MECOM: variants seen among roughly 807,000 people sequenced by gnomAD.
The protein encoded by MECOM is histone-lysine N-methyltransferase MECOM.
Under a neutral mutation model 116.3 loss-of-function variants are expected in MECOM, and 13 were observed. That is an observed-to-expected ratio of 0.11 (90% CI 0.07 to 0.18). The LOEUF is 0.18. Among genes scored for constraint, MECOM ranks in the 10% least tolerant of loss-of-function variants. The probability of loss-of-function intolerance (pLI) is 1.00; values close to 1 mark genes in which losing one functional copy is unlikely to be tolerated. For missense variants in MECOM, 1,299 were observed against 1,509.0 expected (o/e 0.86, Z 2.31); for synonymous variants, 528 against 535.2 (o/e 0.99, Z 0.19).
Position 169,089,015 on chromosome 3 carries a change from T to G in MECOM, c.3570A>C (p.Arg1190Ser), listed in dbSNP as rs146055772. The G allele has an allele frequency of 1.3e-6, 2 of 1,596,596 alleles. No homozygotes were observed. The highest frequency in any genetic ancestry group is 1.7e-6 in the Non-Finnish European group (2 of 1,173,386). ...VPEELKQPLH[R>S]KSKSQAYAMM... The stretch of plus-strand genomic sequence containing the variant: ...AAATCTGTACCTGCGATTTGGACTT[T>G]CTGTGTAACGGCTGCTTAAGTTCCT... Residue 1190 changes from arginine to serine, a missense_variant, in exon 16 of 17, where the codon AGA (arginine) becomes AGC (serine). Coordinates refer to ENST00000651503, the MANE Select transcript of MECOM (RefSeq NM_004991.4).
At chr3:169,170,430 C>CAAAAAAAAAAAAAAAAAAAAA (rs1744249703) in intron 2 of MECOM, among the ~76,000 whole-genome samples, 2 of 132,650 alleles carry the variant, frequency 1.5e-5, no homozygotes, top group Non-Finnish European at 3.2e-5. Flanking sequence ...AAAAAAAAAT[C>CAAAAAAAAAAAAAAAAAAAAA]AAAGCTAAGC....
At chr3:169,257,813 C>T (rs993310616) in intron 2 of MECOM, among the ~76,000 whole-genome samples, 3 of 152,164 alleles carry the variant, frequency 2.0e-5, no homozygotes, top group Non-Finnish European at 4.4e-5. Context: ...TGGATAAATG[C>T]TTCCACTTCG....
intron 1 of MECOM, among the ~76,000 whole-genome samples, chr3:169,533,782 G>A (rs967273990): frequency 1.1e-4 from 17 of 152,030 alleles, no homozygotes; most frequent in African/African-American, 3.9e-4. Context: ...ACCTGGATAG[G>A]TTATTTATTA....
chr3:169,618,987 T>C (rs1425301806), intron 1 of MECOM, among the ~76,000 whole-genome samples: 1 of 151,898 alleles, frequency 6.6e-6, no homozygotes, highest in Non-Finnish European at 1.5e-5. Context: ...AGCATTTTGT[T>C]GAAGCTGGTA....
At chr3:169,502,244 T>C (rs1187744163) in intron 1 of MECOM, among the ~76,000 whole-genome samples, 2 of 152,138 alleles carry the variant, frequency 1.3e-5, no homozygotes, top group African/African-American at 2.4e-5. Context: ...AGACCACTCA[T>C]TGGAGTCCTT....
At chr3:169,627,795 G>A (rs1034986532) in intron 1 of MECOM, among the ~76,000 whole-genome samples, 2 of 152,114 alleles carry the variant, frequency 1.3e-5, no homozygotes, top group Non-Finnish European at 2.9e-5. Flanking sequence ...TAAACTAATG[G>A]CCTTTACCAT....
chr3:169,269,292 G>C (rs6790035), intron 2 of MECOM: 1 of 151,950 alleles, frequency 6.6e-6, no homozygotes, highest in Non-Finnish European at 1.5e-5. Flanking sequence ...TGAAGTCAGC[G>C]TGCTAAGTTT....
intron 2 of MECOM, among the ~76,000 whole-genome samples, chr3:169,219,697 A>G (rs988382873): frequency 5.3e-5 from 8 of 151,808 alleles, no homozygotes; most frequent in African/African-American, 1.9e-4. Context: ...AAAGTCTGTC[A>G]CACTTGCATG....
intron 2 of MECOM, among the ~76,000 whole-genome samples, chr3:169,156,613 C>A (rs999452056): frequency 2.0e-5 from 3 of 152,164 alleles, no homozygotes; most frequent in African/African-American, 7.2e-5. Flanking sequence ...TAAACTATTA[C>A]AATTGTATTT....
intron 2 of MECOM, among the ~76,000 whole-genome samples, chr3:169,234,478 AAAGGGAAATAAAAGAAAAAAGAAAG>A (rs1337973672): frequency 2.0e-5 from 3 of 152,132 alleles, no homozygotes; most frequent in Non-Finnish European, 4.4e-5. Context: ...AAAGGGAAGA[AAAGGGAAATAAAAGAAAAAAGAAAG>A]AAGGGAAAAA....
intron 1 of MECOM, among the ~76,000 whole-genome samples, chr3:169,423,205 A>G (rs1740057287): frequency 6.6e-6 from 1 of 152,108 alleles, no homozygotes; most frequent in Non-Finnish European, 1.5e-5. Context: ...GCTAGACTCT[A>G]AGAATCATTG....
chr3:169,163,046 TAAA>T (rs1051083696), intron 2 of MECOM, among the ~76,000 whole-genome samples: 3 of 152,102 alleles, frequency 2.0e-5, no homozygotes, highest in African/African-American at 4.8e-5. Flanking sequence ...ATAATAATAA[TAAA>T]AAGCACAAAA....
chr3:169,445,938 G>A (rs1744552600), intron 1 of MECOM, among the ~76,000 whole-genome samples: 1 of 152,100 alleles, frequency 6.6e-6, no homozygotes, highest in Non-Finnish European at 1.5e-5. Context: ...CTTTGTTTTG[G>A]CCAGTTTCTC....
At chr3:169,254,773 T>A (rs1189150474) in intron 2 of MECOM, among the ~76,000 whole-genome samples, 5 of 151,978 alleles carry the variant, frequency 3.3e-5, no homozygotes, top group African/African-American at 1.2e-4. Flanking sequence ...TGGAAAACAT[T>A]CCAAAAATCT....
At chr3:169,564,363 G>A (rs1458984438) in intron 1 of MECOM, among the ~76,000 whole-genome samples, 2 of 151,942 alleles carry the variant, frequency 1.3e-5, no homozygotes, top group Non-Finnish European at 2.9e-5. Context: ...ACATAATAAA[G>A]AATCAGAATA....
chr3:169,586,056 C>T (rs1765737161), intron 1 of MECOM, among the ~76,000 whole-genome samples: 1 of 152,174 alleles, frequency 6.6e-6, no homozygotes, highest in South Asian at 2.1e-4. Context: ...TTAAGATCAA[C>T]AGTCTTATGC....
rs1442387802 is a variant in MECOM at position 169,156,663 on chromosome 3, A to G, written c.376-12831T>C. ...AGAACCTTCCAAAGGAATATATACA[A>G]TCTCATTTCAAGATCAACCCACTTC... is the stretch of plus-strand genomic sequence containing the variant. On this transcript the variant is annotated intron_variant, in intron 2 of 16. Transcript: ENST00000651503. 5.3e-5 allele frequency among the ~76,000 whole-genome samples: 8 copies of G among 152,280 alleles called. No individual in the cohort carries two copies. The South Asian group carries it at 1.7e-3, about 32-fold the overall frequency.
chr3:169,311,791 A>G (rs982341676), intron 2 of MECOM, among the ~76,000 whole-genome samples: 1 of 152,222 alleles, frequency 6.6e-6, no homozygotes, highest in Non-Finnish European at 1.5e-5. Context: ...CTTTACTAAA[A>G]GACAAGCTCA....
At chr3:169,322,870 C>T (rs769283381) in intron 2 of MECOM, among the ~76,000 whole-genome samples, 19 of 150,792 alleles carry the variant, frequency 1.3e-4, no homozygotes, top group African/African-American at 4.7e-4. Flanking sequence ...TGTTGGCATA[C>T]ACCTGTAATC....
Sources: gnomAD v4.1 joint callset for allele counts (sites outside exome capture counted in the v4.1 genomes callset) on GRCh38, gnomAD v4.1.1 for gene constraint, MANE v1.5 for transcripts, NCBI Gene and HGNC (gene_info 2026-07-23, HGNC 2026-07-21) for gene names.